The following RERE variants were observed in gnomAD, a reference collection of about 807,000 sequenced individuals.
RERE encodes the protein arginine-glutamic acid dipeptide repeats.
A neutral mutation model predicts 146.1 loss-of-function variants in RERE; 40 were observed. The observed-to-expected ratio is 0.27, with a 90% CI of 0.21 to 0.36. RERE has a LOEUF of 0.36. RERE is among the 10% of genes least tolerant of loss of function. The pLI, the probability that RERE is intolerant of heterozygous loss-of-function variation, is 1.00. For missense variants in RERE, 1,933 were observed against 2,138.7 expected (o/e 0.90, Z 1.90); for synonymous variants, 1,003 against 866.0 (o/e 1.16, Z -2.78).
chr1:8,756,982 T>G lies in RERE; in HGVS notation c.-145+60178A>C, dbSNP rs142516680. Among the ~76,000 whole-genome samples, 313 of 151,226 alleles carry G rather than the reference T, an allele frequency of 2.1e-3. 7 individuals carry two copies. The East Asian group carries it at 0.041, about 20-fold the overall frequency. ...AGTGCATGCCTGTAATCCCAGCTAC[T>G]TGGGAGGTGAGGCAGGAGAATCACT... On this transcript the variant is annotated intron_variant, in intron 1 of 22. Coordinates refer to ENST00000400908, the MANE Select transcript of RERE (RefSeq NM_001042681.2).
chr1:8,433,721 C>T (rs1228772483), intron 11 of RERE, among the ~76,000 whole-genome samples: 8 of 151,598 alleles, frequency 5.3e-5, no homozygotes, highest in South Asian at 2.1e-4. Flanking sequence ...CCACCGCGCC[C>T]GGCTAATTTT....
chr1:8,780,074 C>A (rs532928266), intron 1 of RERE, among the ~76,000 whole-genome samples: 3 of 152,204 alleles, frequency 2.0e-5, no homozygotes, highest in African/African-American at 7.2e-5. Flanking sequence ...CACCTGTAAT[C>A]CCAGCTACTC....
At chr1:8,641,108 G>A (rs1647170318) in intron 2 of RERE, among the ~76,000 whole-genome samples, 1 of 152,134 alleles carries the variant, frequency 6.6e-6, no homozygotes, top group Admixed American at 6.5e-5. Flanking sequence ...ATAAATAGAA[G>A]GCAATATCTG....
chr1:8,578,209 C>T (rs780568853), intron 4 of RERE, among the ~76,000 whole-genome samples: 5 of 152,070 alleles, frequency 3.3e-5, no homozygotes, highest in East Asian at 1.9e-4. Flanking sequence ...GTCTATGTTT[C>T]GTATTTCCAC....
At chr1:8,692,356 C>CT (rs1423400255) in intron 1 of RERE, among the ~76,000 whole-genome samples, 2,543 of 118,298 alleles carry the variant, frequency 0.021, 65 homozygotes, top group African/African-American at 0.07. Context: ...TTTTTTTTTT[C>CT]TTTTTTTTTG....
At chr1:8,538,548 C>T (rs1036774730) in intron 7 of RERE, among the ~76,000 whole-genome samples, 2 of 152,144 alleles carry the variant, frequency 1.3e-5, no homozygotes, top group African/African-American at 2.4e-5. Flanking sequence ...AGGAAATGTT[C>T]GGGATAACAC....
chr1:8,685,804 A>C (rs780135573), intron 1 of RERE, among the ~76,000 whole-genome samples: 7 of 152,204 alleles, frequency 4.6e-5, no homozygotes, highest in Non-Finnish European at 8.8e-5. Flanking sequence ...AAGAAGTTAA[A>C]AATAAAACTC....
intron 12 of RERE, among the ~76,000 whole-genome samples, chr1:8,409,440 C>T (rs908413717): frequency 3.9e-5 from 6 of 152,154 alleles, no homozygotes; most frequent in Middle Eastern, 3.2e-3. Flanking sequence ...CTGTGAGCAG[C>T]ACTGTTTTGG....
chr1:8,457,273 A>G (rs1215026245), intron 11 of RERE, among the ~76,000 whole-genome samples: 3 of 152,202 alleles, frequency 2.0e-5, no homozygotes, highest in Non-Finnish European at 4.4e-5. Context: ...TCAGGTGGTG[A>G]GGCCAATATC....
intron 1 of RERE, among the ~76,000 whole-genome samples, chr1:8,679,571 G>GA (rs1638917977): frequency 6.6e-6 from 1 of 152,132 alleles, no homozygotes; most frequent in Non-Finnish European, 1.5e-5. Flanking sequence ...CTGGCAGACA[G>GA]GCTATATGTA....
chr1:8,484,624 T>C (rs1188612106), intron 10 of RERE, among the ~76,000 whole-genome samples: 1 of 152,126 alleles, frequency 6.6e-6, no homozygotes, highest in Non-Finnish European at 1.5e-5. Flanking sequence ...GGTTTCACTA[T>C]GTTAGCCAGG....
intron 1 of RERE, among the ~76,000 whole-genome samples, chr1:8,785,465 T>C (rs1043339591): frequency 2.0e-5 from 3 of 152,250 alleles, no homozygotes; most frequent in African/African-American, 2.4e-5. Context: ...CTGTTCCATC[T>C]TTCTTGTTCC....
At chr1:8,616,427 C>T (rs541369995) in intron 3 of RERE, among the ~76,000 whole-genome samples, 34 of 152,074 alleles carry the variant, frequency 2.2e-4, no homozygotes, top group African/African-American at 8.2e-4. Context: ...TTAATGCAAG[C>T]ATCCATATAT....
chr1:8,564,398 G>T (rs1278076756), intron 4 of RERE, among the ~76,000 whole-genome samples: 2 of 152,050 alleles, frequency 1.3e-5, no homozygotes, highest in South Asian at 4.1e-4. Context: ...TAGCCTGAGG[G>T]TAATTATATA....
At chr1:8,485,376 C>T (rs530732725) in intron 10 of RERE, among the ~76,000 whole-genome samples, 9 of 151,978 alleles carry the variant, frequency 5.9e-5, no homozygotes, top group Non-Finnish European at 7.4e-5. Context: ...AAAAGACATA[C>T]GGCTAAAGTT....
At chr1:8,717,579 C>T (rs1639788755) in intron 1 of RERE, among the ~76,000 whole-genome samples, 1 of 152,176 alleles carries the variant, frequency 6.6e-6, no homozygotes, top group Admixed American at 6.5e-5. Context: ...TGAAAGTATT[C>T]AATGACTCAA....
intron 12 of RERE, among the ~76,000 whole-genome samples, chr1:8,396,423 C>T (rs1356017913): frequency 1.1e-4 from 17 of 152,154 alleles, no homozygotes; most frequent in Admixed American, 1.1e-3. Context: ...AAACCAGTCC[C>T]CTATTATCAA....
chr1:8,747,674 C>T (rs940790655), intron 1 of RERE, among the ~76,000 whole-genome samples: 1 of 151,976 alleles, frequency 6.6e-6, no homozygotes, highest in Non-Finnish European at 1.5e-5. Context: ...ACTAAATATC[C>T]CATACACATT....
intron 6 of RERE, among the ~76,000 whole-genome samples, chr1:8,553,074 T>C (rs1170041971): frequency 7.0e-6 from 1 of 143,474 alleles, no homozygotes; most frequent in Non-Finnish European, 1.5e-5. Context: ...GGCCAGTGTG[T>C]CCACATATAC....
Sources: gnomAD v4.1 joint callset for allele counts (sites outside exome capture counted in the v4.1 genomes callset) on GRCh38, gnomAD v4.1.1 for gene constraint, MANE v1.5 for transcripts, NCBI Gene and HGNC (gene_info 2026-07-23, HGNC 2026-07-21) for gene names.